The following CTNNA2 variants were observed in gnomAD, a reference collection of about 807,000 sequenced individuals.
CTNNA2 encodes the protein catenin alpha 2, also known as catenin alpha-2.
A neutral mutation model predicts 101.0 loss-of-function variants in CTNNA2; 42 were observed. That is an observed-to-expected ratio of 0.42 (90% confidence interval 0.32 to 0.54). The LOEUF is 0.54. Among genes scored for constraint, CTNNA2 ranks in the 20% least tolerant of loss-of-function variants. CTNNA2 has a pLI of 0.14. For synonymous variants in CTNNA2, 450 were observed against 456.4 expected (o/e 0.99, Z 0.18); for missense variants, 871 against 1,223.1 (o/e 0.71, Z 4.29).
At chr2:80,059,938 C>T (rs1697464041) in intron 7 of CTNNA2, among the ~76,000 whole-genome samples, 1 of 152,202 alleles carries the variant, frequency 6.6e-6, no homozygotes, top group East Asian at 1.9e-4. Flanking sequence ...TCAGCTCAGC[C>T]CTTCCCTTTC....
chr2:79,301,019 C>G (rs1036445001), intron 2 of CTNNA2, among the ~76,000 whole-genome samples: 3 of 152,148 alleles, frequency 2.0e-5, no homozygotes, highest in African/African-American at 4.8e-5. Flanking sequence ...TCTCTTTTCT[C>G]TTTCTGAAAT....
chr2:79,511,221 G>A (rs1157573949), upstream of CTNNA2, among the ~76,000 whole-genome samples: 2 of 152,184 alleles, frequency 1.3e-5, no homozygotes, highest in African/African-American at 4.8e-5. Context: ...GAATGACACT[G>A]TATGCAGTAT....
chr2:79,748,026 A>G (rs1671758685), intron 3 of CTNNA2, among the ~76,000 whole-genome samples: 1 of 152,218 alleles, frequency 6.6e-6, no homozygotes, highest in African/African-American at 2.4e-5. Flanking sequence ...CATGCCTCTC[A>G]GGTGTGAGTG....
At chr2:80,085,746 G>T (rs1354948496) in intron 7 of CTNNA2, among the ~76,000 whole-genome samples, 1 of 151,954 alleles carries the variant, frequency 6.6e-6, no homozygotes, top group Admixed American at 6.6e-5. Flanking sequence ...ATATGGAGAA[G>T]GGGCTTTAAT....
chr2:79,608,577 T>G (rs1481771001), intron 1 of CTNNA2, among the ~76,000 whole-genome samples: 5 of 152,096 alleles, frequency 3.3e-5, no homozygotes, highest in African/African-American at 1.2e-4. Flanking sequence ...AAGTGAGATT[T>G]ATTTCAGGAA....
chr2:79,927,848 G>T (rs927142871), intron 7 of CTNNA2, among the ~76,000 whole-genome samples: 1 of 152,030 alleles, frequency 6.6e-6, no homozygotes, highest in Non-Finnish European at 1.5e-5. Flanking sequence ...CTGAGGCCTG[G>T]GTTTGGGTCT....
intron 4 of CTNNA2, among the ~76,000 whole-genome samples, chr2:79,391,975 GTC>G (rs1191258043): frequency 6.6e-6 from 1 of 152,104 alleles, no homozygotes; most frequent in African/African-American, 2.4e-5. Flanking sequence ...CTTCCCTGGT[GTC>G]TCTGTGTGTG....
At position 79,305,971 on chromosome 2, in the gene CTNNA2, G is replaced by A. The variant is rs190175146; in HGVS notation, c.-405-6738G>A. On this transcript the variant is annotated intron_variant, in intron 2 of 21. Transcript: ENST00000466387. ...TCAGGCAGGAGAATGGCGTGAACCC[G>A]GGAGGCAGAGCTTGCAGTGAGCTGA... Among the ~76,000 whole-genome samples, 173 of 150,604 alleles carry A rather than the reference G, an allele frequency of 1.1e-3. 2 individuals are homozygous for A. In the South Asian group the frequency reaches 0.029, roughly 25 times the overall value.
chr2:79,528,912 G>A (rs1672575662), intron 1 of CTNNA2, among the ~76,000 whole-genome samples: 1 of 152,094 alleles, frequency 6.6e-6, no homozygotes, highest in African/African-American at 2.4e-5. Flanking sequence ...ATGGTATATA[G>A]CGGGAAAGTG....
chr2:79,723,586 A>G (rs991517078), intron 2 of CTNNA2, among the ~76,000 whole-genome samples: 2 of 152,194 alleles, frequency 1.3e-5, no homozygotes, highest in African/African-American at 4.8e-5. Flanking sequence ...CAGAATCCCC[A>G]TGTAGCTTTC....
intron 3 of CTNNA2, among the ~76,000 whole-genome samples, chr2:79,319,452 C>T (rs1335317580): frequency 6.6e-6 from 1 of 152,016 alleles, no homozygotes; most frequent in African/African-American, 2.4e-5. Context: ...ATTCTGAAGA[C>T]CTTAGGACTC....
At chr2:79,298,799 A>C (rs572257542) in intron 2 of CTNNA2, among the ~76,000 whole-genome samples, 1 of 152,356 alleles carries the variant, frequency 6.6e-6, no homozygotes, top group South Asian at 2.1e-4. Flanking sequence ...ACAAGCCCTA[A>C]ATATTCAAAA....
chr2:79,849,717 T>G (rs1287258374), intron 3 of CTNNA2, among the ~76,000 whole-genome samples: 1 of 152,200 alleles, frequency 6.6e-6, no homozygotes, highest in South Asian at 2.1e-4. Flanking sequence ...TTAGCAAATG[T>G]TTTGGTTTCC....
At chr2:80,604,259 C>T in intron 16 of CTNNA2, 80 bp downstream of exon 16, 2 of 1,057,924 alleles carry the variant, frequency 1.9e-6, no homozygotes, top group Admixed American at 1.8e-5. Context: ...GTTTTATGCA[C>T]CCTATAAAAT....
At chr2:79,527,227 G>A (rs1376733512) in intron 1 of CTNNA2, among the ~76,000 whole-genome samples, 3 of 151,960 alleles carry the variant, frequency 2.0e-5, no homozygotes, top group African/African-American at 7.2e-5. Flanking sequence ...TTTCTCCAAA[G>A]AAGATATACA....
intron 7 of CTNNA2, among the ~76,000 whole-genome samples, chr2:80,043,509 G>A (rs1193352603): frequency 6.6e-6 from 1 of 152,070 alleles, no homozygotes; most frequent in Non-Finnish European, 1.5e-5. Flanking sequence ...CTGCATTCAT[G>A]TTTTCATAAG....
At chr2:80,174,426 C>T (rs1198091402) in intron 7 of CTNNA2, among the ~76,000 whole-genome samples, 1 of 152,164 alleles carries the variant, frequency 6.6e-6, no homozygotes, top group Admixed American at 6.5e-5. Flanking sequence ...AGACGTCATC[C>T]TCTGGGGCTA....
intron 9 of CTNNA2, among the ~76,000 whole-genome samples, chr2:80,480,726 C>T (rs996629110): frequency 2.0e-5 from 3 of 152,074 alleles, no homozygotes; most frequent in African/African-American, 7.2e-5. Flanking sequence ...CCTTTGCAAG[C>T]TTTTACGCTA....
At chr2:79,399,308 A>T (rs1268846673) in intron 4 of CTNNA2, among the ~76,000 whole-genome samples, 1 of 152,098 alleles carries the variant, frequency 6.6e-6, no homozygotes, top group African/African-American at 2.4e-5. Context: ...TCATTCATGT[A>T]TGCAGGGCTG....
Sources: allele counts gnomAD v4.1 joint callset (sites outside exome capture counted in the v4.1 genomes callset), GRCh38; gene constraint gnomAD v4.1.1; transcripts MANE v1.5; gene names NCBI Gene and HGNC (gene_info 2026-07-23, HGNC 2026-07-21).